Variants in ADGRB3 observed in about 807,000 individuals in gnomAD.
The protein encoded by ADGRB3 is brain-specific angiogenesis inhibitor 3.
ADGRB3 carries 37 observed loss-of-function variants against 193.4 expected under a neutral mutation model. The ratio of observed to expected loss-of-function variants is 0.19; its 90% CI spans 0.15 to 0.25. The LOEUF (loss-of-function observed/expected upper bound fraction) is 0.25, where lower values mean the gene tolerates loss of function less well. ADGRB3 is among the 10% of genes least tolerant of loss of function. ADGRB3 has a pLI of 1.00. For missense variants in ADGRB3, 1,637 were observed against 1,852.9 expected, an observed-to-expected ratio of 0.88 and a Z score of 2.14; for synonymous variants, 690 against 644.2, an observed-to-expected ratio of 1.07 and a Z score of -1.08.
chr6:68,776,645 C>T (rs945919575), intron 3 of ADGRB3, among the ~76,000 whole-genome samples: 4 of 152,104 alleles, frequency 2.6e-5, no homozygotes, highest in African/African-American at 9.7e-5. Flanking sequence ...TTTCTGCCAA[C>T]ATCACTCTCA....
At chr6:69,052,505 T>A (rs1771428266) in intron 15 of ADGRB3, among the ~76,000 whole-genome samples, 1 of 152,208 alleles carries the variant, frequency 6.6e-6, no homozygotes, top group Admixed American at 6.5e-5. Context: ...ATAAGAGTAG[T>A]TTTGCTGTTA....
intron 10 of ADGRB3, among the ~76,000 whole-genome samples, chr6:68,992,962 A>G (rs568499443): frequency 1.3e-5 from 2 of 152,194 alleles, no homozygotes; most frequent in East Asian, 1.9e-4. Context: ...TACAGATTAA[A>G]CTTTTAGTAA....
chr6:68,757,197 C>T (rs2127349539), intron 3 of ADGRB3, among the ~76,000 whole-genome samples: 1 of 152,034 alleles, frequency 6.6e-6, no homozygotes, highest in Middle Eastern at 3.4e-3. Flanking sequence ...CTTTTTTGAC[C>T]AGGTCTCTGT....
At chr6:69,086,029 A>G (rs1466769015) in intron 17 of ADGRB3, among the ~76,000 whole-genome samples, 1 of 152,020 alleles carries the variant, frequency 6.6e-6, no homozygotes, top group East Asian at 1.9e-4. Context: ...TTCATTTGAT[A>G]TAATGGACAT....
chr6:68,751,070 G>A (rs1766188944), intron 3 of ADGRB3, among the ~76,000 whole-genome samples: 1 of 152,168 alleles, frequency 6.6e-6, no homozygotes, highest in South Asian at 2.1e-4. Context: ...TGCTGCTTCT[G>A]CAAATGTGGA....
chr6:69,032,479 T>G (rs562413290), intron 13 of ADGRB3, among the ~76,000 whole-genome samples: 2 of 152,222 alleles, frequency 1.3e-5, no homozygotes, highest in Admixed American at 6.5e-5. Context: ...TTTAACTGTT[T>G]CTATGGCAAT....
intron 3 of ADGRB3, among the ~76,000 whole-genome samples, chr6:68,879,983 G>A (rs1303745366): frequency 6.6e-6 from 1 of 152,118 alleles, no homozygotes; most frequent in African/African-American, 2.4e-5. Flanking sequence ...GTGTCTATAT[G>A]GCAGCCAAAT....
intron 3 of ADGRB3, among the ~76,000 whole-genome samples, chr6:68,728,171 T>C (rs917811423): frequency 1.3e-5 from 2 of 151,416 alleles, no homozygotes; most frequent in African/African-American, 4.8e-5. Flanking sequence ...TGAAAAAAAA[T>C]ATTGACAGAG....
intron 3 of ADGRB3, among the ~76,000 whole-genome samples, chr6:68,816,606 T>C (rs1345446364): frequency 6.6e-6 from 1 of 152,020 alleles, no homozygotes; most frequent in Non-Finnish European, 1.5e-5. Flanking sequence ...TTCCTTCTCT[T>C]TACTTTGCCT....
chr6:69,243,524 G>A (rs1448027494), intron 20 of ADGRB3, among the ~76,000 whole-genome samples: 1 of 151,912 alleles, frequency 6.6e-6, no homozygotes, highest in African/African-American at 2.4e-5. Flanking sequence ...TGGGATATAG[G>A]CCACAATGGA....
intron 16 of ADGRB3, among the ~76,000 whole-genome samples, chr6:69,073,418 G>T (rs1208846887): frequency 6.6e-6 from 1 of 152,068 alleles, no homozygotes; most frequent in Non-Finnish European, 1.5e-5. Flanking sequence ...CTAAGAGCCG[G>T]GTTCTTGTTA....
chr6:68,765,560 A>G (rs1582182452), intron 3 of ADGRB3, among the ~76,000 whole-genome samples: 2 of 151,674 alleles, frequency 1.3e-5, no homozygotes, highest in Non-Finnish European at 2.9e-5. Flanking sequence ...ACACACACAC[A>G]CACACACACA....
At chr6:69,068,233 A>G (rs1771966608) in intron 16 of ADGRB3, among the ~76,000 whole-genome samples, 1 of 152,122 alleles carries the variant, frequency 6.6e-6, no homozygotes, top group Non-Finnish European at 1.5e-5. Context: ...GCCAAAAGGG[A>G]TGTTTGTGTG....
intron 17 of ADGRB3, among the ~76,000 whole-genome samples, chr6:69,195,688 G>A (rs1362028769): frequency 6.6e-6 from 1 of 151,980 alleles, no homozygotes; most frequent in African/African-American, 2.4e-5. Context: ...TATATTTGGA[G>A]AAACCAATAC....
chr6:69,059,442 C>T (rs1771651876), intron 15 of ADGRB3, among the ~76,000 whole-genome samples: 1 of 152,028 alleles, frequency 6.6e-6, no homozygotes. Context: ...CCTTTAACTT[C>T]TTAAGACTCT....
At chr6:68,641,950 A>G (rs1194251480) in intron 3 of ADGRB3, among the ~76,000 whole-genome samples, 1 of 152,106 alleles carries the variant, frequency 6.6e-6, no homozygotes, top group Non-Finnish European at 1.5e-5. Flanking sequence ...CATTACATAT[A>G]GCTGTACTAA....
chr6:69,134,269 A>G (rs182643670), intron 17 of ADGRB3, among the ~76,000 whole-genome samples: 14 of 152,150 alleles, frequency 9.2e-5, no homozygotes, highest in Non-Finnish European at 1.8e-4. Context: ...TCGTCCACCA[A>G]TTCAATTCTT....
At chr6:68,730,456 A>T (rs1033419316) in intron 3 of ADGRB3, among the ~76,000 whole-genome samples, 5 of 151,718 alleles carry the variant, frequency 3.3e-5, no homozygotes, top group Non-Finnish European at 7.4e-5. Flanking sequence ...AACATCTAAT[A>T]AAGTTGATGA....
intron 15 of ADGRB3, among the ~76,000 whole-genome samples, chr6:69,055,640 T>C (rs1394087891): frequency 6.6e-6 from 1 of 152,198 alleles, no homozygotes; most frequent in Admixed American, 6.5e-5. Context: ...TCAATTCTTT[T>C]GGACATATAC....
Sources: gnomAD v4.1 joint callset for allele counts (sites outside exome capture counted in the v4.1 genomes callset) on GRCh38, gnomAD v4.1.1 for gene constraint, MANE v1.5 for transcripts, NCBI Gene and HGNC (gene_info 2026-07-23, HGNC 2026-07-21) for gene names.